LCT: variants seen among roughly 807,000 people sequenced by gnomAD.
LCT encodes the protein lactase, also known as lactase/phlorizin hydrolase.
A neutral mutation model predicts 173.0 loss-of-function variants in LCT; 90 were observed. The observed-to-expected ratio is 0.52, with a 90% CI of 0.44 to 0.62. The LOEUF is 0.62. LCT is among the 20% of genes least tolerant of loss of function. The pLI is 0.00. For missense variants in LCT, 1,864 were observed against 2,431.4 expected (o/e 0.77, Z 4.91); for synonymous variants, 853 against 957.6 (o/e 0.89, Z 2.02).
Position 135,812,381 on chromosome 2 carries a change from T to C in LCT, c.2283A>G (p.Glu761=), listed in dbSNP as rs769071359. 8.7e-6 allele frequency: 14 copies of C among 1,613,952 alleles called. No individual in the cohort carries two copies. The highest frequency in any genetic ancestry group is 1.6e-4 in the Middle Eastern group (1 of 6,084). The stretch of plus-strand genomic sequence containing the variant: ...AGGAATCATCAAAGAGATTTTCACT[T>C]TCCCCTATGGGCATGCCATTCCCGG... ...YLAGNGMPIG[E]SENLFDDSLR... Residue 761 remains glutamate (E), a synonymous_variant, in exon 7 of 17, where the codon GAA becomes GAG. Transcript: ENST00000264162.
At chr2:135,794,504 G>T in intron 14 of LCT, 137 bp downstream of exon 14, 1 of 891,686 alleles carries the variant, frequency 1.1e-6, no homozygotes, top group Non-Finnish European at 1.8e-6. Flanking sequence ...CTGTGGGGTG[G>T]CGAGCATCTT....
chr2:135,801,021 G>T (rs1448960016), intron 11 of LCT, among the ~76,000 whole-genome samples: 1 of 152,174 alleles, frequency 6.6e-6, no homozygotes, highest in Non-Finnish European at 1.5e-5. Flanking sequence ...TTCCTCCTTG[G>T]TGAAATGGGC....
chr2:135,812,720 C>T lies in LCT; in HGVS notation c.1944G>A (p.Gln648=). The T allele has an allele frequency of 6.2e-7, 1 of 1,614,208 alleles. No individual in the cohort carries two copies. The highest frequency in any genetic ancestry group is 8.5e-7 in the Non-Finnish European group (1 of 1,180,034). Residue 648 remains glutamine, a synonymous_variant, in exon 7 of 17, where the codon CAG becomes CAA. Coordinates refer to ENST00000264162, the MANE Select transcript of LCT (RefSeq NM_002299.4). ...DGDYPATLRT[Q]IQQMNRQCSH... ...AGCACTGTCTGTTCATCTGTTGGATCTGGGTCCTCAGGGTGGCTGGGTAGT... is the reference window on the plus strand; with the variant it reads ...AGCACTGTCTGTTCATCTGTTGGATTTGGGTCCTCAGGGTGGCTGGGTAGT...
intron 12 of LCT, among the ~76,000 whole-genome samples, chr2:135,800,177 A>T (rs1206850309): frequency 6.6e-6 from 1 of 152,202 alleles, no homozygotes; most frequent in Non-Finnish European, 1.5e-5. Flanking sequence ...AAAAAGTTAG[A>T]TGATTTTCCC....
chr2:135,801,931 C>G (rs1453038387), intron 11 of LCT, among the ~76,000 whole-genome samples: 1 of 151,998 alleles, frequency 6.6e-6, no homozygotes, highest in Non-Finnish European at 1.5e-5. Context: ...TGCAGTGGTG[C>G]CATGAGCATG....
At chr2:135,789,978 G>T (rs907271472) in intron 15 of LCT, among the ~76,000 whole-genome samples, 180 bp from the exon 16 acceptor site, 3 of 152,150 alleles carry the variant, frequency 2.0e-5, no homozygotes, top group Non-Finnish European at 2.9e-5. Context: ...CTGTTAGCGG[G>T]TCCTCTGTGG....
chr2:135,793,491 C>G (rs1251234361), intron 14 of LCT, among the ~76,000 whole-genome samples: 1 of 152,182 alleles, frequency 6.6e-6, no homozygotes, highest in Admixed American at 6.5e-5. Context: ...AGTTCTAGAT[C>G]TTTCCACTGA....
At chr2:135,827,096 A>G (rs904541400) in intron 3 of LCT, among the ~76,000 whole-genome samples, 3 of 152,088 alleles carry the variant, frequency 2.0e-5, no homozygotes, top group African/African-American at 7.2e-5. Context: ...GTTGTGCCTC[A>G]GCCTCCCAAG....
Position 135,836,770 on chromosome 2 carries a change from G to T in LCT, c.400C>A (p.Gln134Lys), listed in dbSNP as rs780409315. ...CGGAGGGTGCTGGCAGGGAGGGTCT[G>T]GTGGTGCAGGATGACCATGGGCTGA... is the stretch of plus-strand genomic sequence containing the variant. ...RLQPMVILHHQTLPASTLRRT... is the reference protein window; with the variant it reads ...RLQPMVILHHKTLPASTLRRT... The change falls in exon 1 of 17, where the codon CAG (glutamine) becomes AAG (lysine). Residue 134 changes from glutamine (Q) to lysine (K), a missense_variant. Around this residue, in one of 4 missense-constraint regions of LCT, gnomAD observed 412 missense variants for 462.0 expected, o/e 0.89. Transcript: ENST00000264162. The T allele has an allele frequency of 3.8e-5, 61 of 1,614,098 alleles. No individual in the cohort carries two copies. The highest frequency in any genetic ancestry group is 1.2e-5 in the Non-Finnish European group (14 of 1,180,052).
intron 14 of LCT, among the ~76,000 whole-genome samples, chr2:135,791,750 T>C (rs868176711): frequency 6.6e-6 from 1 of 152,134 alleles, no homozygotes; most frequent in South Asian, 2.1e-4. Flanking sequence ...AGCCTGACTC[T>C]GGGGGTTTCA....
chr2:135,798,200 C>T, intron 12 of LCT, 62 bp from the exon 13 acceptor site: 2 of 881,464 alleles, frequency 2.3e-6, no homozygotes, highest in South Asian at 1.3e-5. Flanking sequence ...GAGACAGCAT[C>T]GTCCCCGCTC....
chr2:135,835,482 G>T (rs1363636449), intron 1 of LCT, among the ~76,000 whole-genome samples: 1 of 67,972 alleles, frequency 1.5e-5, no homozygotes, highest in South Asian at 4.6e-4. Context: ...GAACATAGAA[G>T]TATATATATA....
rs1395819311 is a variant in LCT at position 135,809,967 on chromosome 2, G to A, written c.2380C>T (p.Arg794Cys). 3 of 1,612,526 alleles carry A rather than the reference G, an allele frequency of 1.9e-6. No homozygotes were observed. Among genetic ancestry groups the A allele is most frequent in the Non-Finnish European group, 2.5e-6 (3 of 1,178,740 alleles). ...ATGAGGGAACGAGCAATGTAGGAAC[G>A]AACATCCACAGAGTCTTCCTTGATA... ...KAIKEDSVDVRSYIARSLIDG... is the reference protein window; with the variant it reads ...KAIKEDSVDVCSYIARSLIDG... Residue 794 changes from arginine (R) to cysteine (C), a missense_variant, in exon 8 of 17, where the codon CGT (arginine) becomes TGT (cysteine). By Grantham distance (180) the Arg-to-Cys change is radical. Around this residue, in one of 4 missense-constraint regions of LCT, gnomAD observed 755 missense variants for 926.3 expected, o/e 0.82. Coordinates refer to ENST00000264162, the MANE Select transcript of LCT (RefSeq NM_002299.4). This position sits in a 1 kb window ranked among gnomAD's most constrained non-coding sequence, Gnocchi z 5.5.
rs1345561528 is a variant in LCT at position 135,823,591 on chromosome 2, G to A, written c.907+310C>T. On this transcript the variant is annotated intron_variant, in intron 4 of 16. Transcript: ENST00000264162. ...AGGAGCAGAGATGAGAGACCTTGGA[G>A]GGAGAGGTAATAAAAGGAGGCAAAG... Among the ~76,000 whole-genome samples, 3 of 152,204 alleles carry A rather than the reference G, an allele frequency of 2.0e-5. No homozygotes were observed. In the East Asian group the frequency reaches 5.8e-4, roughly 29 times the overall value.
chr2:135,808,740 C>T lies in LCT; in HGVS notation c.3607G>A (p.Val1203Ile), dbSNP rs770404998. ...EKRFIRATAD[V>I]FCLNTYYSRI... ...GAGTAGTACGTGTTGAGGCAGAAGACGTCGGCCGTCGCCCTGATGAACCTC... is the reference window on the plus strand; with the variant it reads ...GAGTAGTACGTGTTGAGGCAGAAGATGTCGGCCGTCGCCCTGATGAACCTC... The change falls in exon 8 of 17, where the codon GTC becomes ATC. Residue 1203 changes from valine (V) to isoleucine (I), a missense_variant. Val to Ile is a conservative substitution (Grantham distance 29). Coordinates refer to ENST00000264162, the MANE Select transcript of LCT (RefSeq NM_002299.4). 5.0e-6 allele frequency: 8 copies of T among 1,614,050 alleles called. No individual in the cohort carries two copies. Among genetic ancestry groups the T allele is most frequent in the African/African-American group, 1.3e-5 (1 of 74,934 alleles).
chr2:135,791,562 A>G (rs75548722), intron 14 of LCT, among the ~76,000 whole-genome samples: 2 of 111,414 alleles, frequency 1.8e-5, no homozygotes, highest in Non-Finnish European at 3.5e-5. Context: ...TCTTTCAGGG[A>G]AAAAAAAAAT....
Position 135,829,641 on chromosome 2 carries a change from A to G in LCT, c.756T>C (p.Tyr252=). 3 of 1,613,938 alleles carry G rather than the reference A, an allele frequency of 1.9e-6. No homozygotes were observed. Among genetic ancestry groups the G allele is most frequent in the Non-Finnish European group, 2.5e-6 (3 of 1,179,782 alleles). The change falls in exon 3 of 17, where the codon TAT becomes TAC. Residue 252 remains tyrosine, a synonymous_variant. Transcript: ENST00000264162. ...TVDFLSLDLS[Y]ECQNEASLRQ... is the part of the protein sequence containing the mutation. ...GCAGACTTGCCTCATTTTGGCATTC[A>G]TAAGACAAATCAAGAGAGAGGAAAT...
chr2:135,821,144 G>C (rs2077825852), intron 5 of LCT, among the ~76,000 whole-genome samples: 2 of 152,140 alleles, frequency 1.3e-5, no homozygotes, highest in South Asian at 4.1e-4. Context: ...GCCTCCCAAA[G>C]TTCTGGGATT....
chr2:135,797,484 A>G (rs115112422), intron 13 of LCT, among the ~76,000 whole-genome samples: 2,440 of 152,226 alleles, frequency 0.016, 57 homozygotes, highest in African/African-American at 0.055. Flanking sequence ...TGCAAATCTC[A>G]GCTCTATCTC....
Sources: gnomAD v4.1 joint callset for allele counts (sites outside exome capture counted in the v4.1 genomes callset) on GRCh38, gnomAD v4.1.1 for gene constraint, gnomAD v4.1.1 regional missense constraint, Gnocchi (gnomAD v3.1) non-coding constraint, MANE v1.5 for transcripts, NCBI Gene and HGNC (gene_info 2026-07-23, HGNC 2026-07-21) for gene names.